The following CACNA1A variants were observed in gnomAD, a reference collection of about 807,000 sequenced individuals.
CACNA1A encodes the protein voltage-dependent P/Q-type calcium channel subunit alpha-1A.
A neutral mutation model predicts 262.4 loss-of-function variants in CACNA1A; 57 were observed. The ratio of observed to expected loss-of-function variants is 0.22; its 90% CI spans 0.18 to 0.27. The LOEUF is 0.27. Ranked by LOEUF, CACNA1A falls within the 10% of genes least tolerant of loss-of-function variation. CACNA1A has a pLI of 1.00. For synonymous variants in CACNA1A, 1,431 were observed against 1,419.3 expected (o/e 1.01, Z -0.18); for missense variants, 2,526 against 3,562.8 (o/e 0.71, Z 7.41).
At chr19:13,463,914 C>T (rs11085852) in intron 1 of CACNA1A, among the ~76,000 whole-genome samples, 46,930 of 151,938 alleles carry the variant, frequency 0.31, 7,524 homozygotes, top group Middle Eastern at 0.38. Context: ...AAGGCAGTTT[C>T]CTTCTCTGAG....
At chr19:13,328,493 C>T (rs2058406605) in intron 10 of CACNA1A, among the ~76,000 whole-genome samples, 1 of 152,090 alleles carries the variant, frequency 6.6e-6, no homozygotes, top group Non-Finnish European at 1.5e-5. Flanking sequence ...GTGGGGAATC[C>T]ATGAACATAT....
Position 13,212,574 on chromosome 19 carries a change from G to T in CACNA1A, c.6051-52C>A. 6.6e-7 allele frequency: 1 copy of T among 1,518,458 alleles called. No homozygotes were observed. The highest frequency in any genetic ancestry group is 1.3e-5 in the South Asian group (1 of 78,436). The allele number at this position is 1,518,458 out of a possible 1,614,324, so 94.1% of individuals were successfully genotyped here. On this transcript the variant is annotated intron_variant, in intron 41 of 46. Transcript: ENST00000360228. This position sits in a 1 kb window ranked among gnomAD's most constrained non-coding sequence, Gnocchi z 5.6. ...GCAGTGGGCGCTTGGGCAGCTTCCA[G>T]AACGTGGGGACCACGGCACCCCCAC...
rs932772664 is a variant in CACNA1A at position 13,261,472 on chromosome 19, T to C, written c.4228A>G (p.Lys1410Glu). ...CACCGACAATCTTTCTCAAACTCTT[T>C]GGACTCGTCAGTGCAGTGGAAGAAT... ...GKFFHCTDES[K>E]EFEKDCRGKY... Residue 1410 changes from lysine to glutamate, a missense_variant, in exon 26 of 47, where the codon AAA (lysine) becomes GAA (glutamate). Around this residue, in one of 17 missense-constraint regions of CACNA1A, gnomAD observed 137 missense variants for 377.7 expected, o/e 0.36. Transcript: ENST00000360228. The C allele has an allele frequency of 1.3e-6, 2 of 1,579,836 alleles. No homozygotes were observed. The highest frequency in any genetic ancestry group is 1.7e-6 in the Non-Finnish European group (2 of 1,163,028).
intron 38 of CACNA1A, among the ~76,000 whole-genome samples, chr19:13,219,721 G>A (rs1241334188): frequency 1.3e-5 from 2 of 152,070 alleles, no homozygotes; most frequent in African/African-American, 4.8e-5. Flanking sequence ...TTGGGAGGCC[G>A]AGGTGGGCAG....
intron 38 of CACNA1A, among the ~76,000 whole-genome samples, chr19:13,222,068 G>A (rs1421535494): frequency 6.6e-6 from 1 of 151,710 alleles, no homozygotes; most frequent in Non-Finnish European, 1.5e-5. Flanking sequence ...CACCACACCT[G>A]GCTAATTTTT....
intron 3 of CACNA1A, among the ~76,000 whole-genome samples, chr19:13,417,041 T>G (rs759394385): frequency 5.9e-5 from 9 of 152,162 alleles, no homozygotes; most frequent in Non-Finnish European, 1.0e-4. Flanking sequence ...CAAAGAATGT[T>G]TCCAAGAATG....
chr19:13,453,107 A>C, intron 2 of CACNA1A, 92 bp from the exon 3 acceptor site: 1 of 1,315,604 alleles, frequency 7.6e-7, no homozygotes. Flanking sequence ...AGTACCTATC[A>C]CCCTCTCACT....
intron 34 of CACNA1A, among the ~76,000 whole-genome samples, chr19:13,234,488 A>T (rs545284969): frequency 8.6e-5 from 13 of 151,970 alleles, no homozygotes; most frequent in South Asian, 2.1e-4. Flanking sequence ...TATTTGTCGG[A>T]TAGGGCTGCC....
At chr19:13,437,691 CAAAA>C (rs35266881) in intron 3 of CACNA1A, among the ~76,000 whole-genome samples, 1 of 64,924 alleles carries the variant, frequency 1.5e-5, no homozygotes, top group Non-Finnish European at 3.3e-5. Context: ...AACCCCATCT[CAAAA>C]AAAAAAAAAA....
In CACNA1A at chr19:13,207,777, G is replaced by A. The variant is rs1330521180; in HGVS notation, c.7057C>T (p.Arg2353Trp). 17 of 1,384,790 alleles carry A rather than the reference G, an allele frequency of 1.2e-5. No homozygotes were observed. Among genetic ancestry groups the A allele is most frequent in the Non-Finnish European group, 1.5e-5 (16 of 1,077,776 alleles). 85.8% of individuals were successfully genotyped at this position (1,384,790 alleles called of 1,614,324 possible). The change falls in exon 47 of 47, where the codon CGG becomes TGG. Residue 2353 changes from arginine to tryptophan, a missense_variant. Arg to Trp is a moderately radical substitution (Grantham distance 101, BLOSUM62 -3). Around this residue, in one of 17 missense-constraint regions of CACNA1A, gnomAD observed 929 missense variants for 868.1 expected, o/e 1.07. Coordinates refer to ENST00000360228, the MANE Select transcript of CACNA1A (RefSeq NM_001127222.2). This position sits in a 1 kb window ranked among gnomAD's most constrained non-coding sequence, Gnocchi z 5.7. The part of the protein sequence containing the change: ...GPTAEPLAGD[R>W]PPTGGHSSGR... ...CTGCTGTGGCCCCCCGTGGGCGGCC[G>A]ATCTCCGGCCAGAGGCTCGGCCGTG...
chr19:13,451,118 C>T (rs1472616195), intron 3 of CACNA1A: 1 of 152,458 alleles, frequency 6.6e-6, no homozygotes, highest in Non-Finnish European at 1.5e-5. Context: ...ACAAAGATCC[C>T]TCTGTGAACA....
At position 13,214,249 on chromosome 19, in the gene CACNA1A, G is replaced by A. The variant is rs1476517247; in HGVS notation, c.5924C>T (p.Ala1975Val). 1 of 1,610,146 alleles carries A rather than the reference G, an allele frequency of 6.2e-7. No individual in the cohort carries two copies. The highest frequency in any genetic ancestry group is 1.1e-5 in the South Asian group (1 of 91,008). ...ACAGCGCACCTGCTCCTCGCGCATG[G>A]CCTGCAGCTTCTTGGCCTTGCTCTG... Reference protein sequence around the residue: ...YRQSKAKKLQAMREEQDRTPL... With the variant: ...YRQSKAKKLQVMREEQDRTPL... Residue 1975 changes from alanine (A) to valine (V), a missense_variant, in exon 40 of 47, where the codon GCC (alanine) becomes GTC (valine). Physicochemically the swap from Ala to Val is moderately conservative, Grantham distance 64. This residue lies in a region of CACNA1A where 929 missense variants were observed against 868.1 expected (regional missense o/e 1.07). Coordinates refer to ENST00000360228, the MANE Select transcript of CACNA1A (RefSeq NM_001127222.2). This position sits in a 1 kb window ranked among gnomAD's most constrained non-coding sequence, Gnocchi z 4.1.
intron 3 of CACNA1A, among the ~76,000 whole-genome samples, chr19:13,435,092 G>A (rs1029254126): frequency 2.7e-5 from 4 of 150,772 alleles, no homozygotes; most frequent in Non-Finnish European, 5.9e-5. Flanking sequence ...GCCCAGCCAG[G>A]CATTTTTTTT....
At position 13,270,809 on chromosome 19, in the gene CACNA1A, T is replaced by C. The variant is rs951792630; in HGVS notation, c.3989+5041A>G. Among the ~76,000 whole-genome samples, 5 of 152,228 alleles carry C rather than the reference T, an allele frequency of 3.3e-5. No individual in the cohort carries two copies. In the East Asian group the frequency reaches 9.7e-4, roughly 29 times the overall value. On this transcript the variant is annotated intron_variant, in intron 24 of 46. Coordinates refer to ENST00000360228, the MANE Select transcript of CACNA1A (RefSeq NM_001127222.2). Reference sequence around the variant, plus strand: ...GTCTCCTCTCTCATCCCTTCGGCCATGATATAAAGATGCTCCCTGTTGGAC... The same window carrying C: ...GTCTCCTCTCTCATCCCTTCGGCCACGATATAAAGATGCTCCCTGTTGGAC...
At position 13,452,953 on chromosome 19, in the gene CACNA1A, G is replaced by A. The variant is rs1800039; in HGVS notation, c.462C>T (p.Ala154=). The change falls in exon 3 of 47, where the codon GCC becomes GCT. Residue 154 remains alanine (A), a synonymous_variant. Transcript: ENST00000360228. ...AGCCTTTGTGGAAGGCAAACCCAAG[G>A]GCAATGATTTTAATTCCAGCCTCGA... ...FCFEAGIKII[A]LGFAFHKGSY... The A allele has an allele frequency of 1.6e-3, 2,518 of 1,613,774 alleles. 34 individuals are homozygous for A. The African/African-American group carries it at 0.022, about 14-fold the overall frequency.
rs759129605 is a variant in CACNA1A, at chr19:13,207,650, G to C, written c.7184C>G (p.Pro2395Arg). ...HGGARWPASG[P>R]HVSEGPPGPR... Reference sequence around the variant, plus strand: ...ACCCGGGGGCCCCTCGGACACGTGCGGGCCAGATGCCGGCCACCGGGCCCC... The same window carrying C: ...ACCCGGGGGCCCCTCGGACACGTGCCGGCCAGATGCCGGCCACCGGGCCCC... Residue 2395 changes from proline (P) to arginine (R), a missense_variant, in exon 47 of 47, where the codon CCG becomes CGG. Pro to Arg is a moderately radical substitution (Grantham distance 103). Coordinates refer to ENST00000360228, the MANE Select transcript of CACNA1A (RefSeq NM_001127222.2). This position sits in a 1 kb window ranked among gnomAD's most constrained non-coding sequence, Gnocchi z 5.7. 8.9e-6 allele frequency: 13 copies of C among 1,460,588 alleles called. No individual in the cohort carries two copies. In the South Asian group the frequency reaches 1.4e-4, roughly 16 times the overall value. The allele number at this position is 1,460,588 out of a possible 1,614,324, so 90.5% of individuals were successfully genotyped here. A position where few individuals can be genotyped will look rare whatever the true frequency, so the allele number is the denominator to read the frequency against.
At position 13,298,908 on chromosome 19, in the gene CACNA1A, T is replaced by C; in HGVS notation, c.2725A>G (p.Ser909Gly). ...RESDHHAREG[S>G]LEQPGFWEGE... Reference sequence around the variant, plus strand: ...TCCCAGAACCCGGGTTGCTCCAGGCTGCCCTCCCGGGCGTGGTGGTCCGAC... The same window carrying C: ...TCCCAGAACCCGGGTTGCTCCAGGCCGCCCTCCCGGGCGTGGTGGTCCGAC... Residue 909 changes from serine (S) to glycine (G), a missense_variant, in exon 19 of 47, where the codon AGC (serine) becomes GGC (glycine). Ser to Gly is a moderately conservative substitution (Grantham distance 56). This residue lies in a region of CACNA1A where 765 missense variants were observed against 748.6 expected (regional missense o/e 1.02). Coordinates refer to ENST00000360228, the MANE Select transcript of CACNA1A (RefSeq NM_001127222.2). 6.3e-7 allele frequency: 1 copy of C among 1,594,922 alleles called. No individual in the cohort carries two copies. The highest frequency in any genetic ancestry group is 8.5e-7 in the Non-Finnish European group (1 of 1,177,954).
chr19:13,229,942 TCTCTC>T, intron 36 of CACNA1A, 135 bp downstream of exon 36: 1 of 932,570 alleles, frequency 1.1e-6, no homozygotes, highest in South Asian at 1.9e-5. Context: ...TCTTATATCT[TCTCTC>T]CTGACTGAAC....
chr19:13,247,717 T>C (rs538270900), intron 30 of CACNA1A, among the ~76,000 whole-genome samples: 3 of 150,216 alleles, frequency 2.0e-5, no homozygotes, highest in Middle Eastern at 3.2e-3. Flanking sequence ...TAAATAAAAA[T>C]AAATAAATAA....
Sources: allele counts gnomAD v4.1 joint callset (sites outside exome capture counted in the v4.1 genomes callset), GRCh38; gene constraint gnomAD v4.1.1; regional missense constraint gnomAD v4.1.1; non-coding constraint Gnocchi (gnomAD v3.1); transcripts MANE v1.5; gene names NCBI Gene and HGNC (gene_info 2026-07-23, HGNC 2026-07-21).